The following TCF12 variants were observed in gnomAD, a reference collection of about 807,000 sequenced individuals.
TCF12 encodes DNA-binding protein HTF4.
Under a neutral mutation model 86.0 loss-of-function variants are expected in TCF12, and 45 were observed. The ratio of observed to expected loss-of-function variants is 0.52; its 90% confidence interval spans 0.41 to 0.67. The LOEUF (loss-of-function observed/expected upper bound fraction) is 0.67. Among genes scored for constraint, TCF12 ranks in the 30% least tolerant of loss-of-function variants. The pLI, the probability that TCF12 is intolerant of heterozygous loss-of-function variation, is 0.00. For missense variants in TCF12, 881 were observed against 859.9 expected, an observed-to-expected ratio of 1.02 and a Z score of -0.31; for synonymous variants, 330 against 299.6, an observed-to-expected ratio of 1.10 and a Z score of -1.05.
rs902166492 is a variant in TCF12, at chr15:57,104,545, G to A, written c.325+12654G>A. 8.3e-5 allele frequency among the ~76,000 whole-genome samples: 12 copies of A among 145,424 alleles called. No homozygotes were observed. The East Asian group carries it at 1.1e-3, about 13-fold the overall frequency. ...CGACCTCCACCTCCCAGGCTCAAGCGATTCTCCTGCCTCAGCCTCCGGAGT... is the reference window on the plus strand; with the variant it reads ...CGACCTCCACCTCCCAGGCTCAAGCAATTCTCCTGCCTCAGCCTCCGGAGT... On this transcript the variant is annotated intron_variant, in intron 5 of 20. Coordinates refer to ENST00000333725, the MANE Select transcript of TCF12 (RefSeq NM_207037.2).
chr15:57,258,515 T>C (rs1291738718), intron 16 of TCF12, among the ~76,000 whole-genome samples: 1 of 152,240 alleles, frequency 6.6e-6, no homozygotes, highest in Non-Finnish European at 1.5e-5. Flanking sequence ...TTTGTACTAA[T>C]GGAAGCTTGA....
chr15:57,192,933 G>A (rs988918059), intron 7 of TCF12, among the ~76,000 whole-genome samples: 14 of 152,076 alleles, frequency 9.2e-5, no homozygotes, highest in African/African-American at 3.1e-4. Flanking sequence ...CTCTTGCTTG[G>A]TCCTCACATG....
At chr15:57,119,962 T>C (rs1484690639) in intron 5 of TCF12, among the ~76,000 whole-genome samples, 2 of 152,258 alleles carry the variant, frequency 1.3e-5, no homozygotes, top group Non-Finnish European at 2.9e-5. Flanking sequence ...TTTCTTGTCA[T>C]GAGTCTTAGG....
chr15:56,958,661 A>AAGAGAG (rs768375451), intron 3 of TCF12, among the ~76,000 whole-genome samples: 1 of 118,972 alleles, frequency 8.4e-6, no homozygotes, highest in African/African-American at 2.9e-5. Flanking sequence ...GTATATGAGA[A>AAGAGAG]AGAGAGAGAG....
chr15:57,038,980 T>A (rs1209614268), intron 3 of TCF12, among the ~76,000 whole-genome samples: 5 of 152,082 alleles, frequency 3.3e-5, no homozygotes, highest in African/African-American at 1.2e-4. Context: ...TGAGGAAAAA[T>A]GAAAAGGTAC....
At chr15:57,095,722 G>T (rs1181888005) in intron 5 of TCF12, among the ~76,000 whole-genome samples, 1 of 152,126 alleles carries the variant, frequency 6.6e-6, no homozygotes, top group Admixed American at 6.6e-5. Context: ...AAATTGCAGG[G>T]CTGAGAGTTA....
At chr15:56,975,634 TTTTTTTGTTTGTTTG>T (rs2062558673) in intron 3 of TCF12, among the ~76,000 whole-genome samples, 1 of 140,700 alleles carries the variant, frequency 7.1e-6, no homozygotes, top group Admixed American at 6.8e-5. Context: ...AACTAGGGGT[TTTTTTTGTTTGTTTG>T]TTTTTTGTTT....
chr15:56,920,762 A>G (rs1043652718), intron 2 of TCF12, among the ~76,000 whole-genome samples: 1 of 152,132 alleles, frequency 6.6e-6, no homozygotes, highest in Non-Finnish European at 1.5e-5. Context: ...ATCATGTGTA[A>G]TACTATACTG....
intron 3 of TCF12, among the ~76,000 whole-genome samples, chr15:56,949,221 A>G (rs943900545): frequency 2.0e-5 from 3 of 152,216 alleles, no homozygotes; most frequent in Admixed American, 1.3e-4. Flanking sequence ...CACAATTTGT[A>G]TATTTCTGCA....
chr15:57,049,669 A>G (rs565642985), intron 3 of TCF12, among the ~76,000 whole-genome samples: 2 of 152,232 alleles, frequency 1.3e-5, no homozygotes, highest in Admixed American at 6.5e-5. Context: ...AAGCTGCTAT[A>G]AACAGTTTTG....
intron 5 of TCF12, among the ~76,000 whole-genome samples, chr15:57,161,757 C>G (rs1301395501): frequency 2.0e-5 from 3 of 152,094 alleles, no homozygotes; most frequent in African/African-American, 4.8e-5. Context: ...CCAGACAGTA[C>G]CTACAGTTTT....
intron 8 of TCF12, among the ~76,000 whole-genome samples, chr15:57,211,225 A>G (rs1462156): frequency 0.45 from 68,101 of 152,038 alleles, 16,634 homozygotes; most frequent in East Asian, 0.64. Context: ...GTAGGATGTC[A>G]CTGCTTTTCT....
In TCF12 at chr15:56,924,664, A is replaced by G. The variant is rs541307375; in HGVS notation, c.148+3566A>G. Among the ~76,000 whole-genome samples the G allele has an allele frequency of 2.6e-5, 4 of 152,314 alleles. No individual in the cohort carries two copies. In the East Asian group the frequency reaches 5.8e-4, roughly 22 times the overall value. ...TTGTTAATATTGAGCCATGTTAGAC[A>G]TTTGTTTCAGGTAAGCTGTAGTTAT... On this transcript the variant is annotated intron_variant, in intron 3 of 20. Coordinates refer to ENST00000333725, the MANE Select transcript of TCF12 (RefSeq NM_207037.2).
intron 5 of TCF12, among the ~76,000 whole-genome samples, chr15:57,153,523 T>C (rs1039228980): frequency 1.2e-4 from 19 of 152,202 alleles, no homozygotes; most frequent in Non-Finnish European, 2.8e-4. Context: ...TTTCATCCTT[T>C]TAAATTACAC....
intron 3 of TCF12, among the ~76,000 whole-genome samples, chr15:56,945,110 A>T (rs781538279): frequency 6.6e-5 from 10 of 152,160 alleles, no homozygotes; most frequent in Middle Eastern, 3.2e-3. Flanking sequence ...TATATGTGGC[A>T]TTAAAACTTT....
intron 5 of TCF12, among the ~76,000 whole-genome samples, chr15:57,123,332 T>C (rs1262649077): frequency 6.6e-6 from 1 of 152,216 alleles, no homozygotes; most frequent in Non-Finnish European, 1.5e-5. Context: ...CTGCTAACAA[T>C]GTTTAAAATT....
Position 57,268,719 on chromosome 15 carries a change from GT to G in TCF12, c.1746-4302del, listed in dbSNP as rs574554198. 2.7e-5 allele frequency among the ~76,000 whole-genome samples: 4 copies of G among 150,882 alleles called. 1 individual carries two copies. Among genetic ancestry groups the G allele is most frequent in the African/African-American group, 7.3e-5 (3 of 41,032 alleles). On this transcript the variant is annotated intron_variant, in intron 18 of 20. Coordinates refer to ENST00000333725, the MANE Select transcript of TCF12 (RefSeq NM_207037.2). Reference sequence around the variant, plus strand: ...CTGTTACAGAGCATCTCCCTCATATGTTTTTTTTTCTGATTATGTAGTCTAT... The same window carrying G: ...CTGTTACAGAGCATCTCCCTCATATGTTTTTTTTCTGATTATGTAGTCTAT...
chr15:57,007,745 A>G (rs904921165), intron 3 of TCF12, among the ~76,000 whole-genome samples: 1 of 144,380 alleles, frequency 6.9e-6, no homozygotes, highest in Non-Finnish European at 1.6e-5. Context: ...TGATGTAACA[A>G]ATATTTTTCC....
At chr15:57,134,064 A>G (rs754984210) in intron 5 of TCF12, among the ~76,000 whole-genome samples, 4 of 152,182 alleles carry the variant, frequency 2.6e-5, no homozygotes, top group Non-Finnish European at 5.9e-5. Flanking sequence ...TTTATTGAAA[A>G]CTACTGATGT....
Sources: gnomAD v4.1 joint callset for allele counts (sites outside exome capture counted in the v4.1 genomes callset) on GRCh38, gnomAD v4.1.1 for gene constraint, MANE v1.5 for transcripts, NCBI Gene and HGNC (gene_info 2026-07-23, HGNC 2026-07-21) for gene names.